Variants in CCDC7 observed in about 807,000 individuals in gnomAD.
CCDC7 encodes coiled-coil domain containing 7.
A neutral mutation model predicts 196.9 loss-of-function variants in CCDC7; 183 were observed. The observed-to-expected ratio is 0.93, with a 90% CI of 0.82 to 1.05. The LOEUF is 1.05. CCDC7 is among the 50% of genes least tolerant of loss of function. The pLI is 0.00. For missense variants in CCDC7, 1,540 were observed against 1,482.2 expected, an observed-to-expected ratio of 1.04 and a Z score of -0.64; for synonymous variants, 525 against 484.6, an observed-to-expected ratio of 1.08 and a Z score of -1.10.
intron 13 of CCDC7, among the ~76,000 whole-genome samples, chr10:32,564,415 C>T (rs377480728): frequency 3.3e-5 from 5 of 152,056 alleles, no homozygotes; most frequent in Admixed American, 2.0e-4. Context: ...TGTCCAACAA[C>T]GATAGACTGG....
chr10:32,505,015 G>A (rs1023212750), intron 9 of CCDC7, among the ~76,000 whole-genome samples: 2 of 152,050 alleles, frequency 1.3e-5, no homozygotes, highest in Non-Finnish European at 2.9e-5. Flanking sequence ...ACTGTAAATA[G>A]GCTATTATTA....
chr10:32,871,549 C>A (rs2094431614), intron 41 of CCDC7, among the ~76,000 whole-genome samples: 1 of 150,890 alleles, frequency 6.6e-6, no homozygotes, highest in East Asian at 1.9e-4. Context: ...TTCAAAAAAC[C>A]AGCTCCTGGA....
chr10:32,834,012 C>T (rs1387867926), intron 32 of CCDC7, among the ~76,000 whole-genome samples: 1 of 152,030 alleles, frequency 6.6e-6, no homozygotes, highest in Non-Finnish European at 1.5e-5. Context: ...AATATGAATT[C>T]CCTTTATTAA....
intron 11 of CCDC7, among the ~76,000 whole-genome samples, chr10:32,523,549 CAAAA>C (rs34147655): frequency 7.7e-6 from 1 of 130,608 alleles, no homozygotes. Flanking sequence ...ACGCTGTCTC[CAAAA>C]AAAAAAAAAA....
chr10:32,764,667 C>A (rs2077992942), intron 28 of CCDC7, among the ~76,000 whole-genome samples: 1 of 151,982 alleles, frequency 6.6e-6, no homozygotes, highest in African/African-American at 2.4e-5. Flanking sequence ...TCTGCTCACC[C>A]ATCTTAGGAG....
In CCDC7 at chr10:32,565,581, G is replaced by A. The variant is rs148149537; in HGVS notation, c.1158G>A (p.Glu386=). The change falls in exon 14 of 42, where the codon GAG becomes GAA. Residue 386 remains glutamate, a synonymous_variant. Coordinates refer to ENST00000639629, the Ensembl canonical transcript of CCDC7. ...AGAAAGTAGCACGTCTGGAAATTGA[G>A]AACAAAGTCCTTCAGGAGCAATTGA... 74 of 1,609,296 alleles carry A rather than the reference G, an allele frequency of 4.6e-5. No homozygotes were observed. In the African/African-American group the frequency reaches 9.1e-4, roughly 20 times the overall value.
chr10:32,845,377 C>T, intron 34 of CCDC7, 51 bp downstream of exon 35: 1 of 1,384,460 alleles, frequency 7.2e-7, no homozygotes, highest in East Asian at 2.5e-5. Flanking sequence ...TTGATATTCC[C>T]TGAGTTAAAT....
chr10:32,604,255 A>T (rs537320449), intron 18 of CCDC7, among the ~76,000 whole-genome samples: 109 of 152,168 alleles, frequency 7.2e-4, no homozygotes, highest in African/African-American at 2.5e-3. Context: ...GTAAGTGCAT[A>T]GCTTTACTTC....
At chr10:32,584,582 C>G (rs1435576781) in intron 18 of CCDC7, among the ~76,000 whole-genome samples, 1 of 150,638 alleles carries the variant, frequency 6.6e-6, no homozygotes, top group Admixed American at 6.6e-5. Flanking sequence ...ATGATGAAAC[C>G]CTGTCTCTAT....
chr10:32,523,208 T>C (rs1382843410), intron 11 of CCDC7, among the ~76,000 whole-genome samples: 4 of 152,186 alleles, frequency 2.6e-5, no homozygotes, highest in African/African-American at 9.7e-5. Flanking sequence ...AAGTTTGATG[T>C]TTCTTTGTTG....
chr10:32,472,367 T>C, intron 6 of CCDC7, 114 bp from the exon 8 acceptor site: 1 of 979,072 alleles, frequency 1.0e-6, no homozygotes, highest in South Asian at 3.2e-5. Flanking sequence ...ATATGTTTAA[T>C]TTTTATTCTA....
In CCDC7 at chr10:32,726,322, CTTTG is replaced by C. The variant is rs368532847; in HGVS notation, c.2570-408_2570-405del. Among the ~76,000 whole-genome samples, 85 of 151,574 alleles carry C rather than the reference CTTTG, an allele frequency of 5.6e-4. 1 individual carries two copies. In the East Asian group the frequency reaches 9.3e-3, roughly 17 times the overall value. On this transcript the variant is annotated intron_variant, in intron 25 of 41. Transcript: ENST00000639629. ...TCATATCATAATTTATAGTATATAT[CTTTG>C]TTTATTGAGCCAATATATTATACTT...
intron 9 of CCDC7, among the ~76,000 whole-genome samples, chr10:32,498,911 T>C (rs2043364937): frequency 6.6e-6 from 1 of 152,042 alleles, no homozygotes. Context: ...TCTCTGTATT[T>C]CCTGAATTTG....
intron 28 of CCDC7, among the ~76,000 whole-genome samples, chr10:32,736,747 C>T (rs983500991): frequency 1.3e-5 from 2 of 152,050 alleles, no homozygotes; most frequent in African/African-American, 2.4e-5. Context: ...AAGCAGTTGA[C>T]TTTTGTATAT....
chr10:32,499,085 C>CTTTTT (rs34679700), intron 9 of CCDC7: 1 of 116,828 alleles, frequency 8.6e-6, no homozygotes, highest in Non-Finnish European at 1.8e-5. Flanking sequence ...TTGTTTGTTT[C>CTTTTT]TTTTTTTTTT....
chr10:32,703,736 ACTTCT>A (rs1340434833), intron 24 of CCDC7, among the ~76,000 whole-genome samples: 10 of 151,670 alleles, frequency 6.6e-5, no homozygotes, highest in African/African-American at 2.2e-4. Flanking sequence ...TTTTCTCTAA[ACTTCT>A]CTTCTCACTT....
At chr10:32,686,060 C>G in exon 22 of CCDC7, 1 of 1,515,570 alleles carries the variant, frequency 6.6e-7, no homozygotes, top group South Asian at 1.2e-5. Context: ...CAAGAAACTT[C>G]TACAGAGCAA....
intron 11 of CCDC7, among the ~76,000 whole-genome samples, chr10:32,533,394 C>G (rs1044614799): frequency 2.6e-5 from 4 of 151,964 alleles, no homozygotes; most frequent in Non-Finnish European, 5.9e-5. Context: ...ATAGACTTGT[C>G]TTTGGACTTC....
intron 18 of CCDC7, among the ~76,000 whole-genome samples, chr10:32,599,519 G>C (rs909213235): frequency 1.5e-4 from 23 of 151,810 alleles, no homozygotes; most frequent in Non-Finnish European, 2.9e-4. Context: ...CATCTTCATT[G>C]TGTTTCATTG....
Sources: gnomAD v4.1 joint callset for allele counts (sites outside exome capture counted in the v4.1 genomes callset) on GRCh38, gnomAD v4.1.1 for gene constraint, MANE v1.5 for transcripts, NCBI Gene and HGNC (gene_info 2026-07-23, HGNC 2026-07-21) for gene names.